The following IGSF10 variants were observed in gnomAD, a reference collection of about 807,000 sequenced individuals.
IGSF10 encodes calvaria mechanical force protein 608.
IGSF10 carries 126 observed loss-of-function variants against 128.2 expected under a neutral mutation model. The observed-to-expected ratio is 0.98, with a 90% CI of 0.85 to 1.14. IGSF10 has a LOEUF of 1.14. Ranked by LOEUF, IGSF10 falls within the 50% of genes most tolerant of loss-of-function variation. The pLI, the probability that IGSF10 is intolerant of heterozygous loss-of-function variation, is 0.00. For missense variants in IGSF10, 3,295 were observed against 3,149.8 expected, an observed-to-expected ratio of 1.05 and a Z score of -1.10; for synonymous variants, 1,185 against 1,146.2, an observed-to-expected ratio of 1.03 and a Z score of -0.68.
the IGSF10 span, among the ~76,000 whole-genome samples, chr3:151,495,914 T>C: frequency 6.6e-6 from 1 of 152,160 alleles, no homozygotes; most frequent in Non-Finnish European, 1.5e-5. Context: ...CTTCTACTGA[T>C]ATTAAAGTTT....
At chr3:151,611,069 G>T in the IGSF10 span, among the ~76,000 whole-genome samples, 3 of 152,168 alleles carry the variant, frequency 2.0e-5, no homozygotes, top group East Asian at 5.8e-4. Context: ...CACATAGTAG[G>T]TTGGTTCAAA....
chr3:151,593,314 T>C, the IGSF10 span, among the ~76,000 whole-genome samples: 2 of 152,048 alleles, frequency 1.3e-5, no homozygotes, highest in African/African-American at 4.8e-5. Context: ...GGTTTCACCA[T>C]GTTGCCCAGG....
chr3:151,460,611 T>C (rs143817534), intron 1 of IGSF10, among the ~76,000 whole-genome samples: 1 of 152,346 alleles, frequency 6.6e-6, no homozygotes, highest in Non-Finnish European at 1.5e-5. Flanking sequence ...ATCACTTGAA[T>C]ATTAACTACT....
rs1213725519 is a variant in IGSF10, at chr3:151,445,121, G to C, written c.4860C>G (p.Asp1620Glu). ...WDGQKNTKKS[D>E]FDKKPVQEAT... ...CTTCTTGAACTGGTTTCTTATCAAAGTCACTCTTCTTTGTGTTCTTCTGTC... is the reference window on the plus strand; with the variant it reads ...CTTCTTGAACTGGTTTCTTATCAAACTCACTCTTCTTTGTGTTCTTCTGTC... Residue 1620 changes from aspartate (D) to glutamate (E), a missense_variant, in exon 6 of 8, where the codon GAC (aspartate) becomes GAG (glutamate). By Grantham distance (45) the Asp-to-Glu change is conservative. Coordinates refer to ENST00000282466, the MANE Select transcript of IGSF10 (RefSeq NM_178822.5). 1.2e-6 allele frequency: 2 copies of C among 1,614,004 alleles called. No individual in the cohort carries two copies. The highest frequency in any genetic ancestry group is 1.7e-6 in the Non-Finnish European group (2 of 1,180,004).
At chr3:151,464,121 C>T (rs549779133), upstream of IGSF10, among the ~76,000 whole-genome samples, 4 of 152,254 alleles carry the variant, frequency 2.6e-5, no homozygotes, top group East Asian at 3.9e-4. Context: ...CTGAGCATAG[C>T]GACTCTGAGT....
In IGSF10 at chr3:151,448,258, C is replaced by T. The variant is rs768048685; in HGVS notation, c.1723G>A (p.Ala575Thr). The change falls in exon 6 of 8, where the codon GCC (alanine) becomes ACC (threonine). Residue 575 changes from alanine (A) to threonine (T), a missense_variant. Coordinates refer to ENST00000282466, the MANE Select transcript of IGSF10 (RefSeq NM_178822.5). ...RITVVEPLVE[A>T]YQENGIHHTV... is the part of the protein sequence containing the mutation. ...TGATGAATCCCATTTTCCTGATAGG[C>T]TTCGACCAAAGGTTCTACCACAGTT... is the stretch of plus-strand genomic sequence containing the variant. The T allele has an allele frequency of 1.2e-6, 2 of 1,614,202 alleles. No homozygotes were observed. Among genetic ancestry groups the T allele is most frequent in the Non-Finnish European group, 1.7e-6 (2 of 1,180,030 alleles).
the IGSF10 span, among the ~76,000 whole-genome samples, chr3:151,513,269 G>T: frequency 7.9e-5 from 12 of 151,950 alleles, no homozygotes; most frequent in South Asian, 1.2e-3. Flanking sequence ...TATTCACCAT[G>T]ATCAAGTGGG....
downstream of IGSF10, chr3:151,433,521 A>T (rs1033285078): frequency 4.6e-5 from 7 of 152,546 alleles, no homozygotes; most frequent in Admixed American, 4.6e-4. Context: ...AAGTAGCTGT[A>T]CTCAAATTTG....
the IGSF10 span, among the ~76,000 whole-genome samples, chr3:151,550,519 T>G: frequency 6.6e-6 from 1 of 152,192 alleles, no homozygotes; most frequent in Admixed American, 6.6e-5. Context: ...CAAAATTAAT[T>G]CATGAAGAAT....
the IGSF10 span, among the ~76,000 whole-genome samples, chr3:151,528,970 C>A: frequency 6.6e-6 from 1 of 152,002 alleles, no homozygotes; most frequent in Non-Finnish European, 1.5e-5. Context: ...AATTCTCATA[C>A]CAGCACAGCA....
the IGSF10 span, among the ~76,000 whole-genome samples, chr3:151,488,548 G>A: frequency 2.0e-5 from 3 of 152,170 alleles, no homozygotes; most frequent in Non-Finnish European, 4.4e-5. Context: ...AAAGCTGGAG[G>A]CATCATGCTA....
the IGSF10 span, among the ~76,000 whole-genome samples, chr3:151,596,669 AC>A: frequency 6.6e-6 from 1 of 152,066 alleles, no homozygotes; most frequent in African/African-American, 2.4e-5. Context: ...GGTCCCAGTT[AC>A]CTAGACCAGC....
intron 5 of IGSF10, among the ~76,000 whole-genome samples, chr3:151,449,746 C>T (rs940545947): frequency 3.9e-5 from 6 of 152,070 alleles, no homozygotes; most frequent in Admixed American, 2.0e-4. Flanking sequence ...TTAAAAAACC[C>T]AAGTTTATTT....
At chr3:151,579,507 G>A in the IGSF10 span, among the ~76,000 whole-genome samples, 1 of 151,966 alleles carries the variant, frequency 6.6e-6, no homozygotes, top group African/African-American at 2.4e-5. Context: ...AATGGAAACT[G>A]TAAGAGAGAA....
chr3:151,577,501 T>C, the IGSF10 span, among the ~76,000 whole-genome samples: 1 of 152,224 alleles, frequency 6.6e-6, no homozygotes, highest in African/African-American at 2.4e-5. Context: ...TCCCATGGTA[T>C]ACCTAATTAT....
rs771355256 is a variant in IGSF10 at position 151,445,034 on chromosome 3, C to T, written c.4947G>A (p.Arg1649=). ...AACTTGCAGCTTTTCCTCCAACTAT[C>T]CTGGGCTTTTCAAATATATACCTAG... The part of the protein sequence containing the change: ...SLSRYIFEKP[R]IVGGKAASFT... Residue 1649 remains arginine (R), a synonymous_variant, in exon 6 of 8, where the codon AGG becomes AGA. Coordinates refer to ENST00000282466, the MANE Select transcript of IGSF10 (RefSeq NM_178822.5). 1.9e-6 allele frequency: 3 copies of T among 1,614,196 alleles called. No individual in the cohort carries two copies. The highest frequency in any genetic ancestry group is 2.2e-5 in the East Asian group (1 of 44,888).
the IGSF10 span, among the ~76,000 whole-genome samples, chr3:151,547,179 C>A: frequency 6.6e-6 from 1 of 151,976 alleles, no homozygotes; most frequent in South Asian, 2.1e-4. Flanking sequence ...GGATTTAGTT[C>A]CCTTTCACAA....
the IGSF10 span, among the ~76,000 whole-genome samples, chr3:151,544,066 C>T: frequency 4.6e-5 from 7 of 152,164 alleles, no homozygotes; most frequent in Admixed American, 6.5e-5. Flanking sequence ...CATGCCACCA[C>T]GCCTGGCTAA....
chr3:151,597,833 C>T, the IGSF10 span, among the ~76,000 whole-genome samples: 1 of 152,018 alleles, frequency 6.6e-6, no homozygotes, highest in Non-Finnish European at 1.5e-5. Flanking sequence ...AGAAGAATCC[C>T]TTGAACCCGG....
Sources: gnomAD v4.1 joint callset for allele counts (sites outside exome capture counted in the v4.1 genomes callset) on GRCh38, gnomAD v4.1.1 for gene constraint, MANE v1.5 for transcripts, NCBI Gene and HGNC (gene_info 2026-07-23, HGNC 2026-07-21) for gene names.